The following DCC variants were observed in gnomAD, a reference collection of about 807,000 sequenced individuals.
DCC encodes netrin receptor DCC.
Under a neutral mutation model 172.5 loss-of-function variants are expected in DCC, and 58 were observed. The observed-to-expected ratio is 0.34, with a 90% CI of 0.27 to 0.42. The LOEUF is 0.42. Among genes scored for constraint, DCC ranks in the 10% least tolerant of loss-of-function variants. The probability of loss-of-function intolerance (pLI) is 1.00; values close to 1 mark genes in which losing one functional copy is unlikely to be tolerated. For synonymous variants in DCC, 709 were observed against 644.5 expected (o/e 1.10, Z -1.52); for missense variants, 1,740 against 1,791.0 (o/e 0.97, Z 0.51).
chr18:52,776,232 A>G (rs1421448375), intron 2 of DCC, among the ~76,000 whole-genome samples: 2 of 152,218 alleles, frequency 1.3e-5, no homozygotes, highest in African/African-American at 4.8e-5. Flanking sequence ...TAGTACTCTT[A>G]GAGGAAATTG....
intron 1 of DCC, among the ~76,000 whole-genome samples, chr18:52,616,692 T>C (rs2034388323): frequency 6.6e-6 from 1 of 152,096 alleles, no homozygotes; most frequent in Non-Finnish European, 1.5e-5. Context: ...GTAGAGGATA[T>C]AAAACATGTT....
chr18:52,531,538 G>A (rs1460520292), intron 1 of DCC, among the ~76,000 whole-genome samples: 2 of 152,144 alleles, frequency 1.3e-5, no homozygotes, highest in African/African-American at 2.4e-5. Context: ...CTAGAGAGAT[G>A]TTTACTATTT....
intron 1 of DCC, among the ~76,000 whole-genome samples, chr18:52,741,000 G>T (rs4429382): frequency 0.34 from 51,458 of 152,032 alleles, 9,039 homozygotes; most frequent in South Asian, 0.43. Context: ...ATTCCCAGTG[G>T]TGTAGCCCAC....
rs1397659026 is a variant in DCC, at chr18:53,532,330, G to A, written c.*1677G>A. ...TAATAATTCAGTTTATTTTTTTACAGTTTTATGTCGGGAAGGAAATCTGAT... is the reference window on the plus strand; with the variant it reads ...TAATAATTCAGTTTATTTTTTTACAATTTTATGTCGGGAAGGAAATCTGAT... On this transcript the variant is annotated 3_prime_UTR_variant, in exon 29 of 29. Transcript: ENST00000442544. 1 of 152,144 alleles carries A rather than the reference G, an allele frequency of 6.6e-6. No homozygotes were observed. Among genetic ancestry groups the A allele is most frequent in the Non-Finnish European group, 1.5e-5 (1 of 68,024 alleles). 9.4% of individuals were successfully genotyped at this position (152,144 alleles called of 1,614,324 possible).
At chr18:53,384,871 A>G (rs749586218) in intron 15 of DCC, among the ~76,000 whole-genome samples, 2 of 149,754 alleles carry the variant, frequency 1.3e-5, no homozygotes, top group Non-Finnish European at 3.0e-5. Flanking sequence ...TTTTTGAGGC[A>G]GAGTCTCGCT....
At chr18:53,178,707 A>G (rs1338832158) in intron 8 of DCC, among the ~76,000 whole-genome samples, 1 of 152,174 alleles carries the variant, frequency 6.6e-6, no homozygotes, top group Non-Finnish European at 1.5e-5. Flanking sequence ...TCGAGGAAAA[A>G]GACTTTCGTT....
chr18:53,393,773 C>A (rs1332347843), intron 17 of DCC, among the ~76,000 whole-genome samples: 2 of 152,158 alleles, frequency 1.3e-5, no homozygotes, highest in African/African-American at 4.8e-5. Context: ...GTTACTACAG[C>A]AGACATGGAA....
intron 1 of DCC, among the ~76,000 whole-genome samples, chr18:52,743,574 T>G (rs1599066795): frequency 6.6e-6 from 1 of 152,336 alleles, no homozygotes; most frequent in Non-Finnish European, 1.5e-5. Context: ...CCGCTCCAAC[T>G]TAGCCCTTAT....
rs2046530499 is a variant in DCC at position 53,532,086 on chromosome 18, A to G, written c.*1433A>G. 6.6e-6 allele frequency: 1 copy of G among 152,184 alleles called. No individual in the cohort carries two copies. The highest frequency in any genetic ancestry group is 1.5e-5 in the Non-Finnish European group (1 of 68,036). The allele number at this position is 152,184 out of a possible 1,614,324, so 9.4% of individuals were successfully genotyped here. Reference sequence around the variant, plus strand: ...AATCGCCAAAAGGGAGCTAGTTTGCATATTTATCAGTTAGGTGACTTGAAA... The same window carrying G: ...AATCGCCAAAAGGGAGCTAGTTTGCGTATTTATCAGTTAGGTGACTTGAAA... On this transcript the variant is annotated 3_prime_UTR_variant, in exon 29 of 29. Coordinates refer to ENST00000442544, the MANE Select transcript of DCC (RefSeq NM_005215.4).
At chr18:53,340,488 G>A (rs367989102) in intron 15 of DCC, among the ~76,000 whole-genome samples, 1 of 152,078 alleles carries the variant, frequency 6.6e-6, no homozygotes. Context: ...CATCCTGCAT[G>A]TTTCCCTGCC....
At chr18:52,917,204 C>T (rs2040055893) in intron 3 of DCC, among the ~76,000 whole-genome samples, 2 of 151,134 alleles carry the variant, frequency 1.3e-5, no homozygotes, top group Non-Finnish European at 2.9e-5. Context: ...CCTGTAGTCC[C>T]AGCTATTTGG....
At chr18:53,116,603 T>A (rs556770597) in intron 7 of DCC, among the ~76,000 whole-genome samples, 4 of 151,832 alleles carry the variant, frequency 2.6e-5, no homozygotes, top group Non-Finnish European at 4.4e-5. Context: ...AGCTATTCAT[T>A]ATTGCATCTT....
At chr18:53,495,762 G>A (rs765682899) in intron 26 of DCC, among the ~76,000 whole-genome samples, 9 of 152,192 alleles carry the variant, frequency 5.9e-5, no homozygotes, top group East Asian at 1.9e-4. Flanking sequence ...CCAATCAGAC[G>A]TAGATTTGGT....
chr18:53,476,991 A>G (rs1010842233), intron 25 of DCC, among the ~76,000 whole-genome samples: 3 of 152,232 alleles, frequency 2.0e-5, no homozygotes, highest in Admixed American at 2.0e-4. Flanking sequence ...ATTTTAACAT[A>G]TAAACACAGT....
chr18:52,837,809 G>T (rs779671902), intron 2 of DCC, among the ~76,000 whole-genome samples: 1 of 152,160 alleles, frequency 6.6e-6, no homozygotes, highest in Non-Finnish European at 1.5e-5. Context: ...CTTCTATAAA[G>T]ATCTGCCCGG....
chr18:53,455,566 A>C (rs180886480), intron 23 of DCC, among the ~76,000 whole-genome samples: 2 of 152,258 alleles, frequency 1.3e-5, no homozygotes. Flanking sequence ...TTGCATGTCA[A>C]TAATGGAAAG....
chr18:52,670,824 G>A (rs185511153), intron 1 of DCC, among the ~76,000 whole-genome samples: 42 of 151,564 alleles, frequency 2.8e-4, no homozygotes, highest in Non-Finnish European at 4.3e-4. Flanking sequence ...TGGGCAAAAG[G>A]AGCAAAACTC....
chr18:52,475,742 A>C (rs1989074503), intron 1 of DCC, among the ~76,000 whole-genome samples: 1 of 152,236 alleles, frequency 6.6e-6, no homozygotes, highest in Admixed American at 6.5e-5. Context: ...AAGGACAGGC[A>C]TGAAGAACAA....
intron 5 of DCC, among the ~76,000 whole-genome samples, chr18:52,959,657 A>G (rs1485639883): frequency 6.6e-6 from 1 of 152,104 alleles, no homozygotes; most frequent in Non-Finnish European, 1.5e-5. Flanking sequence ...AATTTTATCA[A>G]GCACTAGATG....
Sources: gnomAD v4.1 joint callset for allele counts (sites outside exome capture counted in the v4.1 genomes callset) on GRCh38, gnomAD v4.1.1 for gene constraint, MANE v1.5 for transcripts, NCBI Gene and HGNC (gene_info 2026-07-23, HGNC 2026-07-21) for gene names.